The following MAGI2 variants were observed in gnomAD, a reference collection of about 807,000 sequenced individuals.
The protein encoded by MAGI2 is membrane-associated guanylate kinase, WW and PDZ domain-containing protein 2.
In MAGI2, 35 loss-of-function variants were observed where a neutral mutation model predicts 133.3. The ratio of observed to expected loss-of-function variants is 0.26; its 90% CI spans 0.20 to 0.35. The LOEUF (loss-of-function observed/expected upper bound fraction) is 0.35. Ranked by LOEUF, MAGI2 falls within the 10% of genes least tolerant of loss-of-function variation. The pLI is 1.00. For synonymous variants in MAGI2, 729 were observed against 710.6 expected, an observed-to-expected ratio of 1.03 and a Z score of -0.41; for missense variants, 1,636 against 1,863.4, an observed-to-expected ratio of 0.88 and a Z score of 2.25.
At chr7:79,406,053 G>A (rs1382319982) in intron 1 of MAGI2, among the ~76,000 whole-genome samples, 4 of 151,672 alleles carry the variant, frequency 2.6e-5, no homozygotes, top group Admixed American at 1.3e-4. Context: ...TAGAATACTC[G>A]AATAAATATT....
intron 2 of MAGI2, among the ~76,000 whole-genome samples, chr7:78,924,730 C>G (rs550957780): frequency 5.3e-5 from 8 of 151,836 alleles, no homozygotes; most frequent in Non-Finnish European, 8.8e-5. Context: ...GGGAGGATTC[C>G]CTGTTCTAGG....
At chr7:78,422,530 C>T (rs934926102) in intron 6 of MAGI2, among the ~76,000 whole-genome samples, 2 of 150,094 alleles carry the variant, frequency 1.3e-5, no homozygotes, top group African/African-American at 2.5e-5. Flanking sequence ...TTTCTCTCTC[C>T]TTAGGATAAT....
chr7:78,668,800 A>G (rs1452451659), intron 2 of MAGI2, among the ~76,000 whole-genome samples: 1 of 150,678 alleles, frequency 6.6e-6, no homozygotes, highest in Non-Finnish European at 1.5e-5. Flanking sequence ...TGGAAACTGA[A>G]CAACCTGCTC....
At position 79,335,953 on chromosome 7, in the gene MAGI2, C is replaced by T. The variant is rs190876990; in HGVS notation, c.301+117067G>A. Among the ~76,000 whole-genome samples the T allele has an allele frequency of 5.6e-3, 858 of 152,038 alleles. 7 individuals carry two copies. The highest frequency in any genetic ancestry group is 7.2e-3 in the Admixed American group (110 of 15,252). ...ACTGCAAACACCTCTTATTTGGGGG[C>T]CTCACCTGACTGTTCACCACTTTCT... On this transcript the variant is annotated intron_variant, in intron 1 of 21. Coordinates refer to ENST00000354212, the MANE Select transcript of MAGI2 (RefSeq NM_012301.4).
At chr7:79,294,189 A>C (rs990030246) in intron 1 of MAGI2, among the ~76,000 whole-genome samples, 8 of 151,922 alleles carry the variant, frequency 5.3e-5, no homozygotes, top group Non-Finnish European at 1.2e-4. Flanking sequence ...AAAAAAAAAA[A>C]AAAAAAGGAA....
rs115686580 is a variant in MAGI2 at position 78,935,102 on chromosome 7, A to G, written c.418+71988T>C. 9.6e-3 allele frequency among the ~76,000 whole-genome samples: 1,455 copies of G among 152,326 alleles called. 22 individuals carry two copies. Among genetic ancestry groups the G allele is most frequent in the African/African-American group, 0.034 (1,399 of 41,586 alleles). ...AAAATGCTCTGTAAGGATTACTTGA[A>G]AGGTATCACTTGGGTTGAATTTTCT... On this transcript the variant is annotated intron_variant, in intron 2 of 21. Transcript: ENST00000354212.
chr7:78,616,773 G>A (rs1407717340), intron 3 of MAGI2: 3 of 152,136 alleles, frequency 2.0e-5, no homozygotes, highest in Non-Finnish European at 2.9e-5. Context: ...CAGAGTCTTG[G>A]GTCAGGCTAA....
At chr7:78,563,470 C>T (rs542243548) in intron 3 of MAGI2, among the ~76,000 whole-genome samples, 13 of 152,208 alleles carry the variant, frequency 8.5e-5, no homozygotes, top group Non-Finnish European at 1.5e-4. Context: ...TCTAGGATTA[C>T]GAGTTTTTGG....
intron 2 of MAGI2, among the ~76,000 whole-genome samples, chr7:78,871,284 T>G (rs1260916649): frequency 1.3e-5 from 2 of 152,036 alleles, no homozygotes; most frequent in Non-Finnish European, 2.9e-5. Context: ...GCACTCAGCC[T>G]GGGGGACAGA....
intron 2 of MAGI2, among the ~76,000 whole-genome samples, chr7:78,890,281 G>A (rs1449416971): frequency 1.3e-5 from 2 of 152,130 alleles, no homozygotes. Flanking sequence ...AATAATGGGG[G>A]ACTTTAACAC....
At chr7:78,309,726 A>T (rs1798539625) in intron 9 of MAGI2, among the ~76,000 whole-genome samples, 1 of 152,206 alleles carries the variant, frequency 6.6e-6, no homozygotes, top group Admixed American at 6.5e-5. Flanking sequence ...AGCACAATGG[A>T]AAAAGCATAG....
intron 6 of MAGI2, among the ~76,000 whole-genome samples, chr7:78,468,919 T>C (rs1324875812): frequency 6.6e-6 from 1 of 152,116 alleles, no homozygotes; most frequent in Non-Finnish European, 1.5e-5. Flanking sequence ...TGGTCAACAG[T>C]TACGAGAGGA....
At chr7:78,776,759 G>T (rs542032984) in intron 2 of MAGI2, among the ~76,000 whole-genome samples, 5 of 152,118 alleles carry the variant, frequency 3.3e-5, no homozygotes, top group African/African-American at 7.2e-5. Context: ...GAAAAATTCC[G>T]CATGGGAATT....
intron 2 of MAGI2, among the ~76,000 whole-genome samples, chr7:78,867,007 T>C (rs955291083): frequency 2.6e-5 from 4 of 151,468 alleles, no homozygotes; most frequent in Non-Finnish European, 4.4e-5. Flanking sequence ...CTCACACCAG[T>C]TAGAATGGCA....
chr7:79,052,086 A>T (rs1812725035), intron 1 of MAGI2, among the ~76,000 whole-genome samples: 1 of 152,196 alleles, frequency 6.6e-6, no homozygotes, highest in Admixed American at 6.5e-5. Context: ...GAATGTGAGA[A>T]GCCAGAAAAA....
At position 78,299,844 on chromosome 7, in the gene MAGI2, T is replaced by A. The variant is rs181723783; in HGVS notation, c.1409-43263A>T. 2.2e-3 allele frequency among the ~76,000 whole-genome samples: 334 copies of A among 152,260 alleles called. 2 individuals are homozygous for A. The highest frequency in any genetic ancestry group is 7.6e-3 in the African/African-American group (314 of 41,540). Reference sequence around the variant, plus strand: ...TTTTCTTCTTTTGTGGGTATTGTATTTAAAATGGCAAAAATTAATTTAATA... The same window carrying A: ...TTTTCTTCTTTTGTGGGTATTGTATATAAAATGGCAAAAATTAATTTAATA... On this transcript the variant is annotated intron_variant, in intron 9 of 21. Coordinates refer to ENST00000354212, the MANE Select transcript of MAGI2 (RefSeq NM_012301.4).
intron 4 of MAGI2, among the ~76,000 whole-genome samples, chr7:78,503,828 T>C (rs1034668978): frequency 1.1e-4 from 16 of 151,482 alleles, no homozygotes; most frequent in African/African-American, 3.6e-4. Flanking sequence ...ATACATCCTG[T>C]GAACAAGGTG....
chr7:79,023,949 T>C (rs1290144840), intron 1 of MAGI2, among the ~76,000 whole-genome samples: 1 of 152,122 alleles, frequency 6.6e-6, no homozygotes, highest in Non-Finnish European at 1.5e-5. Flanking sequence ...GCTATCAAAT[T>C]ACCAAAGACA....
chr7:79,243,983 T>C (rs559362143), intron 1 of MAGI2, among the ~76,000 whole-genome samples: 1 of 152,176 alleles, frequency 6.6e-6, no homozygotes, highest in Non-Finnish European at 1.5e-5. Context: ...TACCACATCC[T>C]CTGTAGCCCT....
Sources: allele counts gnomAD v4.1 joint callset (sites outside exome capture counted in the v4.1 genomes callset), GRCh38; gene constraint gnomAD v4.1.1; transcripts MANE v1.5; gene names NCBI Gene and HGNC (gene_info 2026-07-23, HGNC 2026-07-21).